The following FIP1L1 variants were observed in gnomAD, a reference collection of about 807,000 sequenced individuals.
FIP1L1 encodes the protein pre-mRNA 3'-end-processing factor FIP1.
FIP1L1 carries 21 observed loss-of-function variants against 84.6 expected under a neutral mutation model. That is an observed-to-expected ratio of 0.25 (90% CI 0.18 to 0.36). FIP1L1 has a LOEUF of 0.36. FIP1L1 is among the 10% of genes least tolerant of loss of function. The pLI is 1.00. For synonymous variants in FIP1L1, 263 were observed against 242.3 expected (o/e 1.09, Z -0.80); for missense variants, 526 against 751.1 (o/e 0.70, Z 3.50).
chr4:53,403,061 G>A (rs191156439), intron 10 of FIP1L1, among the ~76,000 whole-genome samples: 1 of 152,316 alleles, frequency 6.6e-6, no homozygotes, highest in East Asian at 1.9e-4. Flanking sequence ...AGCATTGAGT[G>A]TTTGAGAAGA....
At position 53,453,107 on chromosome 4, in the gene FIP1L1, C is replaced by G; in HGVS notation, c.1473C>G (p.His491Gln). Residue 491 changes from histidine to glutamine, a missense_variant, in exon 16 of 18, where the codon CAC becomes CAG. Around this residue, in one of 6 missense-constraint regions of FIP1L1, gnomAD observed 89 missense variants for 169.0 expected, o/e 0.53. Coordinates refer to ENST00000337488, the MANE Select transcript of FIP1L1 (RefSeq NM_030917.4). ...RTRERERERDHSPTPSVFNSD... is the reference protein window; with the variant it reads ...RTRERERERDQSPTPSVFNSD... Reference sequence around the variant, plus strand: ...GAGAGAGAGAGAGGGAGCGTGATCACAGTCCTACACCAAGTGTTTTCAACA... The same window carrying G: ...GAGAGAGAGAGAGGGAGCGTGATCAGAGTCCTACACCAAGTGTTTTCAACA... The G allele has an allele frequency of 6.2e-7, 1 of 1,613,976 alleles. No homozygotes were observed. The highest frequency in any genetic ancestry group is 8.5e-7 in the Non-Finnish European group (1 of 1,179,950).
chr4:53,385,498 A>G (rs1740473749), intron 5 of FIP1L1, among the ~76,000 whole-genome samples: 1 of 152,116 alleles, frequency 6.6e-6, no homozygotes, highest in Non-Finnish European at 1.5e-5. Flanking sequence ...ATTGAATTCA[A>G]AACTCTTCAA....
At position 53,459,567 on chromosome 4, in the gene FIP1L1, A is replaced by G. The variant is rs757177659; in HGVS notation, c.*118A>G. ...AATCTTGTTCTGTTTGTTAGTATGA[A>G]AAGTTAACTTTTTTTCCAAAATAAA... On this transcript the variant is annotated 3_prime_UTR_variant, in exon 18 of 18. Coordinates refer to ENST00000337488, the MANE Select transcript of FIP1L1 (RefSeq NM_030917.4). 9.0e-6 allele frequency: 13 copies of G among 1,436,840 alleles called. No homozygotes were observed. The highest frequency in any genetic ancestry group is 1.1e-5 in the Non-Finnish European group (12 of 1,044,106). 89.0% of individuals were successfully genotyped at this position (1,436,840 alleles called of 1,614,324 possible).
intron 10 of FIP1L1, among the ~76,000 whole-genome samples, chr4:53,408,626 G>T (rs1448054675): frequency 6.6e-6 from 1 of 152,126 alleles, no homozygotes; most frequent in Non-Finnish European, 1.5e-5. Flanking sequence ...TCACTTTCAG[G>T]TACACCAATC....
chr4:53,452,843 TCATG>T, intron 15 of FIP1L1, 73 bp from the exon 16 acceptor site: 4 of 1,024,248 alleles, frequency 3.9e-6, no homozygotes, highest in Non-Finnish European at 6.0e-6. Context: ...TATTATAATC[TCATG>T]ACACATTTTT....
intron 15 of FIP1L1, among the ~76,000 whole-genome samples, chr4:53,449,789 C>T (rs1775670327): frequency 6.6e-6 from 1 of 152,100 alleles, no homozygotes; most frequent in African/African-American, 2.4e-5. Flanking sequence ...TTATTAGACT[C>T]TTCAAGATTT....
At chr4:53,383,627 A>T in intron 4 of FIP1L1, 146 bp from the exon 5 acceptor site, 1 of 696,708 alleles carries the variant, frequency 1.4e-6, no homozygotes, top group South Asian at 2.0e-5. Context: ...ATGCCACTGC[A>T]CTCAAGCCGG....
chr4:53,417,142 A>G (rs1476672313), intron 11 of FIP1L1, among the ~76,000 whole-genome samples: 5 of 152,156 alleles, frequency 3.3e-5, no homozygotes, highest in Non-Finnish European at 7.4e-5. Context: ...TGGCTAATTT[A>G]TAGCGAAAAT....
intron 7 of FIP1L1, 41 bp from the exon 8 acceptor site, chr4:53,390,968 A>G (rs1174498878): frequency 6.6e-7 from 1 of 1,506,142 alleles, no homozygotes; most frequent in South Asian, 1.3e-5. Context: ...ATAAAAATAG[A>G]GCTGAAATAT....
At chr4:53,442,539 A>G in intron 13 of FIP1L1, 114 bp from the exon 14 acceptor site, 6 of 697,870 alleles carry the variant, frequency 8.6e-6, no homozygotes, top group Non-Finnish European at 1.5e-5. Flanking sequence ...ATTACAACAT[A>G]GAGAAGCACA....
rs532173790 is a variant in FIP1L1, at chr4:53,415,547, G to T, written c.923+825G>T. On this transcript the variant is annotated intron_variant, in intron 11 of 17. Transcript: ENST00000337488. ...GTTTTTTGTTTTTTTTTTTGCTTTTGTTAGAGAATTTTAAGCTATTTACCT... is the reference window on the plus strand; with the variant it reads ...GTTTTTTGTTTTTTTTTTTGCTTTTTTTAGAGAATTTTAAGCTATTTACCT... Among the ~76,000 whole-genome samples, 413 of 134,974 alleles carry T rather than the reference G, an allele frequency of 3.1e-3. 2 individuals are homozygous for T. The highest frequency in any genetic ancestry group is 8.0e-3 in the Middle Eastern group (2 of 250). 88.5% of individuals were successfully genotyped at this position (134,974 alleles called of 152,430 possible). A position where few individuals can be genotyped will look rare whatever the true frequency, so the allele number is the denominator to read the frequency against.
chr4:53,414,619 A>G lies in FIP1L1; in HGVS notation c.820A>G (p.Ser274Gly). Residue 274 changes from serine (S) to glycine (G), a missense_variant, in exon 11 of 18, where the codon AGC (serine) becomes GGC (glycine). Around this residue, in one of 6 missense-constraint regions of FIP1L1, gnomAD observed 169 missense variants for 206.9 expected, o/e 0.82. Coordinates refer to ENST00000337488, the MANE Select transcript of FIP1L1 (RefSeq NM_030917.4). ...ATAGAAAATTTATCTCACCAGAAAC[A>G]GCACTTCTTCTCAGTCTCAGACAAG... is the stretch of plus-strand genomic sequence containing the variant. ...FKTGLPPSRN[S>G]TSSQSQTSTA... 6.2e-7 allele frequency: 1 copy of G among 1,609,784 alleles called. No individual in the cohort carries two copies. Among genetic ancestry groups the G allele is most frequent in the East Asian group, 2.2e-5 (1 of 44,784 alleles).
chr4:53,385,374 ATAG>A (rs1740397099), intron 5 of FIP1L1, among the ~76,000 whole-genome samples: 1 of 152,140 alleles, frequency 6.6e-6, no homozygotes, highest in Non-Finnish European at 1.5e-5. Flanking sequence ...GTGGACTTCC[ATAG>A]TACCTTACTA....
intron 10 of FIP1L1, among the ~76,000 whole-genome samples, chr4:53,408,259 A>G (rs540382131): frequency 6.6e-6 from 1 of 152,260 alleles, no homozygotes; most frequent in South Asian, 2.1e-4. Flanking sequence ...TATGAAGCTT[A>G]ATTTGGCTGG....
At chr4:53,405,391 A>G (rs1322342223) in intron 10 of FIP1L1, among the ~76,000 whole-genome samples, 4 of 152,162 alleles carry the variant, frequency 2.6e-5, no homozygotes, top group Non-Finnish European at 2.9e-5. Flanking sequence ...TACCAGTACC[A>G]TGCTGTTTTG....
chr4:53,382,185 G>A (rs1738441121), intron 3 of FIP1L1, 93 bp from the exon 4 acceptor site: 4 of 828,034 alleles, frequency 4.8e-6, no homozygotes, highest in Non-Finnish European at 7.9e-6. Flanking sequence ...AATAATTTTA[G>A]GAGCTTTATT....
chr4:53,408,017 A>G (rs2412446), intron 10 of FIP1L1, among the ~76,000 whole-genome samples: 148,716 of 152,290 alleles, frequency 0.98, 72,718 homozygotes, highest in Middle Eastern at 1. Context: ...ATTGTTATGT[A>G]TGAATTTGAT....
intron 13 of FIP1L1, chr4:53,440,734 A>G (rs1478556181): frequency 1.3e-5 from 9 of 711,780 alleles, no homozygotes. Context: ...TCAAGGTCCT[A>G]TTTTCAGCTC....
Position 53,428,027 on chromosome 4 carries a change from G to C in FIP1L1, c.1018G>C (p.Val340Leu). The C allele has an allele frequency of 6.3e-7, 1 of 1,598,130 alleles. No individual in the cohort carries two copies. Residue 340 changes from valine (V) to leucine (L), a missense_variant and splice_region_variant, in exon 13 of 18, where the codon GTC becomes CTC. By Grantham distance (32) the Val-to-Leu change is conservative. Coordinates refer to ENST00000337488, the MANE Select transcript of FIP1L1 (RefSeq NM_030917.4). ...RRANENSNIQVLSERSATEVD... is the reference protein window; with the variant it reads ...RRANENSNIQLLSERSATEVD... ...TTAATTAACTGTGCTCTAATTTTAGGTCCTTTCTGAAAGATCTGCTACTGA... is the reference window on the plus strand; with the variant it reads ...TTAATTAACTGTGCTCTAATTTTAGCTCCTTTCTGAAAGATCTGCTACTGA...
Sources: gnomAD v4.1 joint callset for allele counts (sites outside exome capture counted in the v4.1 genomes callset) on GRCh38, gnomAD v4.1.1 for gene constraint, gnomAD v4.1.1 regional missense constraint, MANE v1.5 for transcripts, NCBI Gene and HGNC (gene_info 2026-07-23, HGNC 2026-07-21) for gene names.